Variants in MAST4 observed in about 807,000 individuals in gnomAD.
MAST4 encodes the protein microtubule associated serine/threonine kinase family member 4.
Under a neutral mutation model 162.7 loss-of-function variants are expected in MAST4, and 89 were observed. That is an observed-to-expected ratio of 0.55 (90% CI 0.46 to 0.65). MAST4 has a LOEUF of 0.65. Ranked by LOEUF, MAST4 falls within the 30% of genes least tolerant of loss-of-function variation. MAST4 has a pLI of 0.00. For synonymous variants in MAST4, 1,479 were observed against 1,361.1 expected, an observed-to-expected ratio of 1.09 and a Z score of -1.91; for missense variants, 3,153 against 3,374.0, an observed-to-expected ratio of 0.93 and a Z score of 1.62.
Position 67,142,727 on chromosome 5 carries a change from C to A in MAST4, c.2730+194C>A, listed in dbSNP as rs1770550993. On this transcript the variant is annotated intron_variant, in intron 21 of 28. Transcript: ENST00000403625. ...CCTATCCCCTAGGCCTTTAGACTGCCATTTTACCTTCTCTCTTTCCTGTGA... is the reference window on the plus strand; with the variant it reads ...CCTATCCCCTAGGCCTTTAGACTGCAATTTTACCTTCTCTCTTTCCTGTGA... 5 of 469,562 alleles carry A rather than the reference C, an allele frequency of 1.1e-5. No individual in the cohort carries two copies. In the East Asian group the frequency reaches 1.7e-4, roughly 16 times the overall value. 29.1% of individuals were successfully genotyped at this position (469,562 alleles called of 1,614,324 possible).
intron 3 of MAST4, among the ~76,000 whole-genome samples, chr5:66,855,508 T>C (rs1759615338): frequency 6.6e-6 from 1 of 152,170 alleles, no homozygotes; most frequent in Non-Finnish European, 1.5e-5. Flanking sequence ...TCATTTGTGT[T>C]CTCTTGAGAA....
intron 12 of MAST4, among the ~76,000 whole-genome samples, chr5:67,116,597 C>G (rs1766948124): frequency 6.6e-6 from 1 of 151,396 alleles, no homozygotes; most frequent in Non-Finnish European, 1.5e-5. Flanking sequence ...GAGTGGATCA[C>G]CTGAGGTCAG....
chr5:66,883,232 T>C (rs1460185630), intron 3 of MAST4, among the ~76,000 whole-genome samples: 1 of 152,154 alleles, frequency 6.6e-6, no homozygotes, highest in Non-Finnish European at 1.5e-5. Context: ...TACTTTTCAC[T>C]TCTAGCTTTT....
chr5:66,975,798 A>G (rs1437488988), intron 4 of MAST4, among the ~76,000 whole-genome samples: 1 of 152,160 alleles, frequency 6.6e-6, no homozygotes, highest in African/African-American at 2.4e-5. Context: ...GTTCAAGACC[A>G]GCCTGGCCAA....
At chr5:66,866,680 G>A (rs1760546769) in intron 3 of MAST4, among the ~76,000 whole-genome samples, 1 of 152,186 alleles carries the variant, frequency 6.6e-6, no homozygotes, top group Non-Finnish European at 1.5e-5. Flanking sequence ...TCAGAGGTGA[G>A]TAGATAAGTT....
chr5:66,687,530 GTATA>G (rs1371693176), intron 1 of MAST4, among the ~76,000 whole-genome samples: 1 of 150,438 alleles, frequency 6.6e-6, no homozygotes, highest in African/African-American at 2.5e-5. Context: ...GTGTACATGT[GTATA>G]TATGTATGTA....
chr5:67,033,403 CAAA>C (rs5868473), intron 4 of MAST4, among the ~76,000 whole-genome samples: 1 of 131,330 alleles, frequency 7.6e-6, no homozygotes, highest in Admixed American at 7.8e-5. Flanking sequence ...ACTATACAGG[CAAA>C]AAAAAAAGCA....
chr5:67,034,902 C>A (rs1755822395), intron 4 of MAST4, among the ~76,000 whole-genome samples: 1 of 151,896 alleles, frequency 6.6e-6, no homozygotes, highest in African/African-American at 2.4e-5. Context: ...ATGAGTGCAC[C>A]CCTGTAACTC....
intron 6 of MAST4, among the ~76,000 whole-genome samples, chr5:67,095,110 T>C: frequency 6.6e-6 from 1 of 152,192 alleles, no homozygotes; most frequent in East Asian, 1.9e-4. Context: ...TGATCCCTTC[T>C]TCCCTAAGCA....
At chr5:66,723,128 G>A (rs77265261) in intron 1 of MAST4, among the ~76,000 whole-genome samples, 4,625 of 152,162 alleles carry the variant, frequency 0.03, 236 homozygotes, top group African/African-American at 0.1. Context: ...TTACTCCTAC[G>A]TCTTCAGTGG....
intron 4 of MAST4, among the ~76,000 whole-genome samples, chr5:67,015,620 C>T (rs909350996): frequency 1.1e-4 from 16 of 152,140 alleles, no homozygotes; most frequent in African/African-American, 3.4e-4. Context: ...GGAGTAGTTC[C>T]GAGTCCCGAA....
intron 3 of MAST4, among the ~76,000 whole-genome samples, chr5:66,874,441 C>G (rs78699870): frequency 0.045 from 6,880 of 152,166 alleles, 509 homozygotes; most frequent in African/African-American, 0.16. Context: ...ATGATTTATT[C>G]TAGATGAGCT....
intron 2 of MAST4, among the ~76,000 whole-genome samples, chr5:66,767,969 A>G (rs1754178734): frequency 6.6e-6 from 1 of 152,206 alleles, no homozygotes; most frequent in Admixed American, 6.5e-5. Flanking sequence ...AGACACATCC[A>G]GCATCCACAC....
chr5:67,017,098 G>A (rs1753388518), intron 4 of MAST4, among the ~76,000 whole-genome samples: 1 of 152,136 alleles, frequency 6.6e-6, no homozygotes, highest in Non-Finnish European at 1.5e-5. Context: ...GAAAATTGCT[G>A]TGTTTAGAGA....
intron 1 of MAST4, among the ~76,000 whole-genome samples, chr5:66,678,189 C>T (rs968760118): frequency 2.0e-5 from 3 of 151,462 alleles, no homozygotes; most frequent in East Asian, 3.9e-4. Flanking sequence ...TTCCCTTACT[C>T]GTGGAATCTA....
chr5:66,960,438 C>T (rs760970914), intron 4 of MAST4, among the ~76,000 whole-genome samples: 1 of 152,118 alleles, frequency 6.6e-6, no homozygotes, highest in South Asian at 2.1e-4. Context: ...ATTAGAGGTA[C>T]GAATAGTATT....
intron 22 of MAST4, 54 bp from the exon 23 acceptor site, chr5:67,145,090 T>C: frequency 4.9e-6 from 7 of 1,442,874 alleles, no homozygotes; most frequent in Non-Finnish European, 5.7e-6. Flanking sequence ...AAAATTCACC[T>C]TTAACACAGT....
chr5:66,959,974 G>A (rs186374809), intron 4 of MAST4, among the ~76,000 whole-genome samples: 1 of 152,298 alleles, frequency 6.6e-6, no homozygotes, highest in Non-Finnish European at 1.5e-5. Context: ...GATGCAGGAA[G>A]TGTCAGCAAA....
chr5:67,154,286 T>C (rs549341559), intron 26 of MAST4, among the ~76,000 whole-genome samples: 58 of 152,326 alleles, frequency 3.8e-4, no homozygotes, highest in Admixed American at 6.5e-4. Flanking sequence ...TCATTCTTTA[T>C]AGCAGCGTTG....
Sources: gnomAD v4.1 joint callset for allele counts (sites outside exome capture counted in the v4.1 genomes callset) on GRCh38, gnomAD v4.1.1 for gene constraint, MANE v1.5 for transcripts, NCBI Gene and HGNC (gene_info 2026-07-23, HGNC 2026-07-21) for gene names.